Variants in ZNF561 observed in about 807,000 individuals in gnomAD.
ZNF561 encodes the protein zinc finger protein 561.
A neutral mutation model predicts 16.7 loss-of-function variants in ZNF561; 16 were observed. That is an observed-to-expected ratio of 0.96 (90% CI 0.65 to 1.45). ZNF561 has a LOEUF of 1.45. ZNF561 is among the 40% of genes most tolerant of loss of function. The pLI is 0.00. For missense variants in ZNF561, 580 were observed against 578.0 expected (o/e 1.00, Z -0.04); for synonymous variants, 190 against 192.1 (o/e 0.99, Z 0.09).
Position 9,610,712 on chromosome 19 carries a change from C to A in ZNF561, c.949G>T (p.Ala317Ser). 2.5e-6 allele frequency: 4 copies of A among 1,614,114 alleles called. No homozygotes were observed. The highest frequency in any genetic ancestry group is 3.4e-6 in the Non-Finnish European group (4 of 1,180,008). ...GTAAGTTGAGTTGATCTAGTGAAGGCTTTCCCACAGTAAGTACACTTGTGT... is the reference window on the plus strand; with the variant it reads ...GTAAGTTGAGTTGATCTAGTGAAGGATTTCCCACAGTAAGTACACTTGTGT... ...KPHKCTYCGK[A>S]FTRSTQLTEH... is the part of the protein sequence containing the mutation. The change falls in exon 6 of 6, where the codon GCC becomes TCC. Residue 317 changes from alanine (A) to serine (S), a missense_variant. By Grantham distance (99) the Ala-to-Ser change is moderately conservative. Transcript: ENST00000302851.
chr19:9,619,225 C>T (rs2074614574), intron 2 of ZNF561: 2 of 292,050 alleles, frequency 6.8e-6, no homozygotes, highest in African/African-American at 2.2e-5. Context: ...CCACTGCACT[C>T]CAGCCTGGGT....
chr19:9,619,554 T>C lies in ZNF561; in HGVS notation c.-98A>G. 3 of 1,278,924 alleles carry C rather than the reference T, an allele frequency of 2.3e-6. No individual in the cohort carries two copies. The highest frequency in any genetic ancestry group is 2.3e-6 in the Non-Finnish European group (2 of 888,264). 79.2% of individuals were successfully genotyped at this position (1,278,924 alleles called of 1,614,324 possible). On this transcript the variant is annotated 5_prime_UTR_variant, in exon 2 of 6. The change abolishes an upstream ATG in the 5' untranslated region. Coordinates refer to ENST00000302851, the MANE Select transcript of ZNF561 (RefSeq NM_152289.3). ...TCTAGGTGGATAGAGGCAATCTCCA[T>C]TCCTCTTTGTACAGGGTTATTTGCG...
intron 4 of ZNF561, among the ~76,000 whole-genome samples, chr19:9,615,740 T>C (rs1191914525): frequency 1.5e-5 from 2 of 135,814 alleles, no homozygotes; most frequent in Non-Finnish European, 3.1e-5. Context: ...ACCCCATCTC[T>C]ACTAAAAATA....
At chr19:9,617,745 C>A (rs536936583) in intron 3 of ZNF561, 8 of 459,172 alleles carry the variant, frequency 1.7e-5, no homozygotes, top group African/African-American at 1.6e-4. Flanking sequence ...CACTCCTCAG[C>A]ACACTGCAGA....
Position 9,619,573 on chromosome 19 carries a change from A to C in ZNF561, c.-117T>G. The C allele has an allele frequency of 1.0e-6, 1 of 995,976 alleles. No homozygotes were observed. The highest frequency in any genetic ancestry group is 1.6e-5 in the African/African-American group (1 of 61,638). The allele number at this position is 995,976 out of a possible 1,614,324, so 61.7% of individuals were successfully genotyped here. ...TCTCCATTCCTCTTTGTACAGGGTT[A>C]TTTGCGGTCCTGTTCATATCAATCA... On this transcript the variant is annotated 5_prime_UTR_variant, in exon 2 of 6. An upstream open reading frame in the 5' UTR loses its in-frame stop. Transcript: ENST00000302851.
In ZNF561 at chr19:9,621,169, T is replaced by G. The variant is rs1398319592; in HGVS notation, c.-134A>C. 2 of 153,864 alleles carry G rather than the reference T, an allele frequency of 1.3e-5. No homozygotes were observed. Among genetic ancestry groups the G allele is most frequent in the Non-Finnish European group, 1.5e-5 (1 of 68,686 alleles). 9.5% of individuals were successfully genotyped at this position (153,864 alleles called of 1,614,324 possible). ...CAAGGAGGTGGAACTCACCACAGCC[T>G]GGGCAGACTCCACCACCATAAAGGC... On this transcript the variant is annotated 5_prime_UTR_variant, in exon 1 of 6. Coordinates refer to ENST00000302851, the MANE Select transcript of ZNF561 (RefSeq NM_152289.3).
In ZNF561 at chr19:9,614,082, G is replaced by C. The variant is rs951796955; in HGVS notation, c.263C>G (p.Thr88Ser). The C allele has an allele frequency of 6.2e-7, 1 of 1,614,068 alleles. No homozygotes were observed. Among genetic ancestry groups the C allele is most frequent in the Admixed American group, 1.7e-5 (1 of 60,006 alleles). Reference protein sequence around the residue: ...ASVEWEIQPRTKRSSLQQGFL... With the variant: ...ASVEWEIQPRSKRSSLQQGFL... The stretch of plus-strand genomic sequence containing the variant: ...ACCCTGCTGAAGTGATGACCGTTTG[G>C]TTCTAGGTTGTATTTCCCATTCTAA... Residue 88 changes from threonine (T) to serine (S), a missense_variant, in exon 5 of 6, where the codon ACC becomes AGC. Coordinates refer to ENST00000302851, the MANE Select transcript of ZNF561 (RefSeq NM_152289.3).
intron 1 of ZNF561, among the ~76,000 whole-genome samples, chr19:9,619,984 A>G (rs1182190282): frequency 6.7e-6 from 1 of 149,750 alleles, no homozygotes; most frequent in African/African-American, 2.5e-5. Flanking sequence ...GTTGAAATCC[A>G]ATGGCACTAA....
Position 9,608,897 on chromosome 19 carries a change from C to T in ZNF561, c.*1303G>A, listed in dbSNP as rs1440967955. On this transcript the variant is annotated 3_prime_UTR_variant, in exon 6 of 6. Transcript: ENST00000302851. ...CAGGAAAATGTGCTCAGAACAGGCCCCCCAAATTTGGACATAAACAGGCCA... is the reference window on the plus strand; with the variant it reads ...CAGGAAAATGTGCTCAGAACAGGCCTCCCAAATTTGGACATAAACAGGCCA... 6.6e-6 allele frequency: 1 copy of T among 152,120 alleles called. No individual in the cohort carries two copies. Among genetic ancestry groups the T allele is most frequent in the Non-Finnish European group, 1.5e-5 (1 of 68,042 alleles). 9.4% of individuals were successfully genotyped at this position (152,120 alleles called of 1,614,324 possible). A position where few individuals can be genotyped will look rare whatever the true frequency, so the allele number is the denominator to read the frequency against.
Position 9,611,063 on chromosome 19 carries a change from T to C in ZNF561, c.598A>G (p.Lys200Glu), listed in dbSNP as rs200464031. ...VLNARQPYKC[K>E]ECGKGFKYFA... ...TACTTAAAGCCTTTTCCACATTCCT[T>C]ACATTTGTAGGGTTGTCTTGCATTG... Residue 200 changes from lysine (K) to glutamate (E), a missense_variant, in exon 6 of 6, where the codon AAG (lysine) becomes GAG (glutamate). Physicochemically the swap from Lys to Glu is moderately conservative, Grantham distance 56 (BLOSUM62 1). Transcript: ENST00000302851. 211 of 1,614,142 alleles carry C rather than the reference T, an allele frequency of 1.3e-4. 1 individual carries two copies. The highest frequency in any genetic ancestry group is 4.4e-4 in the South Asian group (40 of 91,090).
intron 5 of ZNF561, 69 bp downstream of exon 5, chr19:9,613,952 A>G (rs2074507183): frequency 6.3e-7 from 1 of 1,586,778 alleles, no homozygotes; most frequent in Admixed American, 1.7e-5. Flanking sequence ...GACTGAGCTG[A>G]TTTTCTAGAA....
Position 9,610,112 on chromosome 19 carries a change from T to C in ZNF561, c.*88A>G, listed in dbSNP as rs2074417772. On this transcript the variant is annotated 3_prime_UTR_variant, in exon 6 of 6. Coordinates refer to ENST00000302851, the MANE Select transcript of ZNF561 (RefSeq NM_152289.3). ...CAGGATGGTATCTAAGGCCAATCCA[T>C]GAGTCATTACAACCTCCAAAAGGCA... The C allele has an allele frequency of 1.7e-6, 2 of 1,201,628 alleles. No individual in the cohort carries two copies. The highest frequency in any genetic ancestry group is 2.3e-6 in the Non-Finnish European group (2 of 873,326). 74.4% of individuals were successfully genotyped at this position (1,201,628 alleles called of 1,614,324 possible). A position where few individuals can be genotyped will look rare whatever the true frequency, so the allele number is the denominator to read the frequency against.
rs58392835 is a variant in ZNF561 at position 9,608,826 on chromosome 19, T to TAA, written c.*1372_*1373dup. 4 of 152,320 alleles carry TAA rather than the reference T, an allele frequency of 2.6e-5. No homozygotes were observed. The East Asian group carries it at 7.7e-4, about 29-fold the overall frequency. 9.4% of individuals were successfully genotyped at this position (152,320 alleles called of 1,614,324 possible). A position where few individuals can be genotyped will look rare whatever the true frequency, so the allele number is the denominator to read the frequency against. ...GTTATGTATCACTAAGATCTGTACT[T>TAA]AAAGTGTTAAAGGACACAGGAAGCT... On this transcript the variant is annotated 3_prime_UTR_variant, in exon 6 of 6. Coordinates refer to ENST00000302851, the MANE Select transcript of ZNF561 (RefSeq NM_152289.3).
intron 3 of ZNF561, chr19:9,617,794 G>A (rs1231489616): frequency 2.1e-6 from 1 of 481,504 alleles, no homozygotes; most frequent in Non-Finnish European, 4.1e-6. Flanking sequence ...TTTGATAAAA[G>A]GACACTTTCA....
Position 9,611,047 on chromosome 19 carries a change from C to G in ZNF561, c.614G>C (p.Gly205Ala), listed in dbSNP as rs781623821. The G allele has an allele frequency of 3.7e-6, 6 of 1,614,098 alleles. No homozygotes were observed. In the South Asian group the frequency reaches 6.6e-5, roughly 18 times the overall value. Reference sequence around the variant, plus strand: ...ATCAAGGCTTGCAAAATACTTAAAGCCTTTTCCACATTCCTTACATTTGTA... The same window carrying G: ...ATCAAGGCTTGCAAAATACTTAAAGGCTTTTCCACATTCCTTACATTTGTA... ...QPYKCKECGK[G>A]FKYFASLDNH... The change falls in exon 6 of 6, where the codon GGC becomes GCC. Residue 205 changes from glycine to alanine, a missense_variant. By Grantham distance (60) the Gly-to-Ala change is moderately conservative. Coordinates refer to ENST00000302851, the MANE Select transcript of ZNF561 (RefSeq NM_152289.3).
chr19:9,614,825 T>C (rs931971234), intron 4 of ZNF561, among the ~76,000 whole-genome samples: 1 of 151,570 alleles, frequency 6.6e-6, no homozygotes, highest in Non-Finnish European at 1.5e-5. Context: ...TGAGGCAAAG[T>C]GCATCTTTAA....
At position 9,610,290 on chromosome 19, in the gene ZNF561, T is replaced by G. The variant is rs779702736; in HGVS notation, c.1371A>C (p.Ala457=). ...TACTTAGGCGTGAGGAAACAGCAAA[T>G]GCTTTCCCACATTCTTTACATACGA... ...KPFVCKECGK[A]FAVSSRLSRH... Residue 457 remains alanine, a synonymous_variant, in exon 6 of 6, where the codon GCA becomes GCC. Transcript: ENST00000302851. 9.3e-6 allele frequency: 15 copies of G among 1,614,096 alleles called. No individual in the cohort carries two copies. The South Asian group carries it at 1.4e-4, about 15-fold the overall frequency.
rs1456863136 is a variant in ZNF561, at chr19:9,610,933, C to A, written c.728G>T (p.Cys243Phe). 1.2e-6 allele frequency: 2 copies of A among 1,614,230 alleles called. No homozygotes were observed. The highest frequency in any genetic ancestry group is 2.2e-5 in the East Asian group (1 of 44,882). ...AVTASSHLKQ[C>F]VAVHTGKKSK... ...TTTCTTTCCTGTATGAACTGCTACA[C>A]ACTGCTTTAGGTGTGAAGAAGCTGT... The change falls in exon 6 of 6, where the codon TGT becomes TTT. Residue 243 changes from cysteine (C) to phenylalanine (F), a missense_variant. Physicochemically the swap from Cys to Phe is radical, Grantham distance 205. Coordinates refer to ENST00000302851, the MANE Select transcript of ZNF561 (RefSeq NM_152289.3).
At position 9,608,661 on chromosome 19, in the gene ZNF561, TGGTGA is replaced by T. The variant is rs1175654611; in HGVS notation, c.*1534_*1538del. On this transcript the variant is annotated 3_prime_UTR_variant, in exon 6 of 6. Transcript: ENST00000302851. Reference sequence around the variant, plus strand: ...GAAGTAAGGTTGGTAAGGGTGATCCTGGTGAGGTGTCATTGGGGAATGAGGAACAT... The same window carrying T: ...GAAGTAAGGTTGGTAAGGGTGATCCTGGTGTCATTGGGGAATGAGGAACAT... 2.0e-5 allele frequency: 3 copies of T among 152,168 alleles called. No homozygotes were observed. The highest frequency in any genetic ancestry group is 7.2e-5 in the African/African-American group (3 of 41,440). The allele number at this position is 152,168 out of a possible 1,614,324, so 9.4% of individuals were successfully genotyped here. A position where few individuals can be genotyped will look rare whatever the true frequency, so the allele number is the denominator to read the frequency against.
Sources: gnomAD v4.1 joint callset for allele counts (sites outside exome capture counted in the v4.1 genomes callset) on GRCh38, gnomAD v4.1.1 for gene constraint, MANE v1.5 for transcripts, NCBI Gene and HGNC (gene_info 2026-07-23, HGNC 2026-07-21) for gene names.